Variants in LOC112694756 observed in about 807,000 individuals in gnomAD.
chr16:30,069,801 G>C, the LOC112694756 span: 2 of 1,613,794 alleles, frequency 1.2e-6, no homozygotes, highest in Admixed American at 3.3e-5. Flanking sequence ...TCTGACCACA[G>C]CCCCTCTCGC....
the LOC112694756 span, chr16:30,068,848 A>T: frequency 1.2e-6 from 2 of 1,614,078 alleles, no homozygotes; most frequent in African/African-American, 2.7e-5. Context: ...CGCTGTGCCC[A>T]GTACAAGAAG....
chr16:30,058,081 G>C, the LOC112694756 span, among the ~76,000 whole-genome samples: 4 of 152,142 alleles, frequency 2.6e-5, no homozygotes, highest in Non-Finnish European at 5.9e-5. Context: ...CTCCTTGGGA[G>C]AGAGGATGGG....
the LOC112694756 span, chr16:30,064,393 C>A: frequency 5.0e-6 from 2 of 398,628 alleles, no homozygotes; most frequent in African/African-American, 4.1e-5. Flanking sequence ...GCCACGTGAT[C>A]CGAGTCCCCT....
At chr16:30,064,282 A>T in the LOC112694756 span, 5 of 393,956 alleles carry the variant, frequency 1.3e-5, no homozygotes, top group East Asian at 1.1e-4. Flanking sequence ...TCTCCTTCTT[A>T]AAAAAAACCA....
the LOC112694756 span, among the ~76,000 whole-genome samples, chr16:30,062,551 AC>A: frequency 2.1e-4 from 32 of 149,548 alleles, no homozygotes; most frequent in African/African-American, 7.9e-4. Flanking sequence ...AAAAAAAAGT[AC>A]AAAAAATGAG....
At chr16:30,062,431 C>T in the LOC112694756 span, among the ~76,000 whole-genome samples, 8 of 150,958 alleles carry the variant, frequency 5.3e-5, no homozygotes, top group East Asian at 1.4e-3. Context: ...ACTTGGGAGG[C>T]TGAGGCAGGA....
the LOC112694756 span, chr16:30,064,191 G>C: frequency 2.5e-6 from 1 of 397,958 alleles, no homozygotes; most frequent in East Asian, 3.6e-5. Flanking sequence ...CTTGAGTACC[G>C]GGTACGCAGG....
chr16:30,058,682 T>C, the LOC112694756 span, among the ~76,000 whole-genome samples: 5 of 151,928 alleles, frequency 3.3e-5, no homozygotes, highest in Admixed American at 3.3e-4. Context: ...AGATGGGGTT[T>C]CGTGTTAGCC....
At chr16:30,055,324 A>C in the LOC112694756 span, 1 of 399,190 alleles carries the variant, frequency 2.5e-6, no homozygotes, top group Non-Finnish European at 4.4e-6. Flanking sequence ...AGCCCACCAG[A>C]GCTGTGAGTT....
At chr16:30,067,895 A>G in the LOC112694756 span, 12 of 585,438 alleles carry the variant, frequency 2.0e-5, no homozygotes, top group African/African-American at 1.9e-4. Context: ...TGTTTTGCTC[A>G]GAGTAAGTGG....
At chr16:30,067,358 A>C in the LOC112694756 span, 5 of 1,614,048 alleles carry the variant, frequency 3.1e-6, no homozygotes, top group Non-Finnish European at 4.2e-6. Context: ...GCTGCAGATG[A>C]GTCCACTGGT....
chr16:30,065,449 C>A, the LOC112694756 span, among the ~76,000 whole-genome samples: 1 of 152,352 alleles, frequency 6.6e-6, no homozygotes, highest in South Asian at 2.1e-4. Flanking sequence ...TTCCCCGTTC[C>A]GCCCTCCCCC....
At chr16:30,066,547 C>T in the LOC112694756 span, among the ~76,000 whole-genome samples, 4 of 152,226 alleles carry the variant, frequency 2.6e-5, no homozygotes, top group Admixed American at 1.3e-4. Flanking sequence ...GGGCTTGTTC[C>T]GCCGCCCTTT....
the LOC112694756 span, chr16:30,069,223 G>A: frequency 5.4e-6 from 8 of 1,490,208 alleles, no homozygotes; most frequent in South Asian, 3.4e-5. Flanking sequence ...ATCAAGATAC[G>A]GTCTTGACCA....
At chr16:30,067,767 C>A in the LOC112694756 span, 2 of 1,326,062 alleles carry the variant, frequency 1.5e-6, no homozygotes, top group South Asian at 1.2e-5. Flanking sequence ...TAGAGACTTG[C>A]ATGGAGCCTG....
chr16:30,067,158 G>GA, the LOC112694756 span: 15 of 1,602,110 alleles, frequency 9.4e-6, no homozygotes, highest in Middle Eastern at 2.0e-4. Context: ...TGACCTCCAG[G>GA]AGAGGGGCCC....
the LOC112694756 span, chr16:30,068,317 G>T: frequency 2.7e-6 from 1 of 367,656 alleles, no homozygotes; most frequent in Non-Finnish European, 5.3e-6. Context: ...GCCCACCTCG[G>T]CCTCCCAAAG....
the LOC112694756 span, chr16:30,054,571 G>A: frequency 2.6e-6 from 1 of 378,750 alleles, no homozygotes. Flanking sequence ...ACTCTAGAAT[G>A]CTGAAGTGCT....
chr16:30,055,966 A>C, the LOC112694756 span, among the ~76,000 whole-genome samples: 2 of 151,774 alleles, frequency 1.3e-5, no homozygotes, highest in Non-Finnish European at 2.9e-5. Context: ...CCATATGGCT[A>C]ATTTTTATAT....
Sources: gnomAD v4.1 joint callset for allele counts (sites outside exome capture counted in the v4.1 genomes callset) on GRCh38, gnomAD v4.1.1 for gene constraint, MANE v1.5 for transcripts.